The following METTL15 variants were observed in gnomAD, a reference collection of about 807,000 sequenced individuals.
The protein encoded by METTL15 is 12S rRNA N(4)-cytidine methyltransferase METTL15.
Under a neutral mutation model 38.3 loss-of-function variants are expected in METTL15, and 34 were observed. The observed-to-expected ratio is 0.89, with a 90% CI of 0.68 to 1.18. METTL15 has a LOEUF of 1.18. Among genes scored for constraint, METTL15 ranks in the 50% most tolerant of loss-of-function variants. The probability of loss-of-function intolerance (pLI) is 0.00; values close to 1 mark genes in which losing one functional copy is unlikely to be tolerated. For missense variants in METTL15, 438 were observed against 498.4 expected (o/e 0.88, Z 1.15); for synonymous variants, 162 against 170.9 (o/e 0.95, Z 0.41).
chr11:28,450,276 T>G (rs1375696115), intron 6 of METTL15, among the ~76,000 whole-genome samples: 1 of 152,230 alleles, frequency 6.6e-6, no homozygotes, highest in Non-Finnish European at 1.5e-5. Flanking sequence ...TTAACATTTT[T>G]GTTTCCATTT....
At chr11:28,497,963 AG>A (rs1283711870) in intron 6 of METTL15, among the ~76,000 whole-genome samples, 1 of 151,454 alleles carries the variant, frequency 6.6e-6, no homozygotes, top group African/African-American at 2.4e-5. Context: ...CTGAGGCATG[AG>A]AATCGCTTGA....
intron 5 of METTL15, among the ~76,000 whole-genome samples, chr11:28,387,887 G>A (rs1339979932): frequency 1.3e-5 from 2 of 152,054 alleles, no homozygotes; most frequent in African/African-American, 4.8e-5. Flanking sequence ...TGCAAATATG[G>A]TTCAGCAAAT....
intron 4 of METTL15, among the ~76,000 whole-genome samples, chr11:28,237,496 C>CCATTCTAGTTAT (rs1235684477): frequency 2.6e-5 from 4 of 152,140 alleles, no homozygotes; most frequent in Non-Finnish European, 5.9e-5. Context: ...TCTAGTTATA[C>CCATTCTAGTTAT]ATTCGTCTAA....
intron 4 of METTL15, among the ~76,000 whole-genome samples, chr11:28,213,354 T>G (rs907376155): frequency 2.0e-5 from 3 of 152,032 alleles, no homozygotes; most frequent in African/African-American, 7.2e-5. Context: ...GCAAAATCAC[T>G]TTTGAACCTG....
intron 6 of METTL15, among the ~76,000 whole-genome samples, chr11:28,454,287 G>A (rs982419144): frequency 4.6e-5 from 7 of 152,038 alleles, no homozygotes; most frequent in Non-Finnish European, 5.9e-5. Flanking sequence ...TGCCACCCTC[G>A]GGATCTTGGA....
At chr11:28,374,029 C>G (rs1423571215) in intron 5 of METTL15, among the ~76,000 whole-genome samples, 2 of 152,132 alleles carry the variant, frequency 1.3e-5, no homozygotes, top group Non-Finnish European at 2.9e-5. Flanking sequence ...ATCTGTATCT[C>G]TGTTTTGGTA....
chr11:28,145,206 G>A (rs1162105381), intron 3 of METTL15: 1 of 152,744 alleles, frequency 6.5e-6, no homozygotes, highest in East Asian at 1.9e-4. Flanking sequence ...ATCAGACCAT[G>A]GTTTTAGGAT....
At chr11:28,485,112 TACACACACACAC>T (rs33941898) in intron 6 of METTL15, among the ~76,000 whole-genome samples, 2 of 148,846 alleles carry the variant, frequency 1.3e-5, no homozygotes, top group South Asian at 2.1e-4. Context: ...AATGAAGTTT[TACACACACACAC>T]ACACACACAC....
intron 3 of METTL15, among the ~76,000 whole-genome samples, chr11:28,347,673 C>T (rs951333141): frequency 2.6e-5 from 4 of 152,186 alleles, no homozygotes; most frequent in Non-Finnish European, 5.9e-5. Context: ...AGCCCATCTC[C>T]CTGGCTGCAG....
downstream of METTL15, among the ~76,000 whole-genome samples, chr11:28,336,709 T>C (rs1416041666): frequency 6.6e-6 from 1 of 152,190 alleles, no homozygotes; most frequent in Non-Finnish European, 1.5e-5. Flanking sequence ...AACGTAATAG[T>C]CACATGTTTG....
At chr11:28,110,863 T>C (rs1851688340) in intron 2 of METTL15, among the ~76,000 whole-genome samples, 1 of 152,126 alleles carries the variant, frequency 6.6e-6, no homozygotes, top group Non-Finnish European at 1.5e-5. Context: ...ACTTTGCTTG[T>C]AGAGAAAAGT....
chr11:28,161,722 T>A (rs1280815084), intron 3 of METTL15, among the ~76,000 whole-genome samples: 1 of 149,884 alleles, frequency 6.7e-6, no homozygotes, highest in Non-Finnish European at 1.5e-5. Flanking sequence ...ATTTTGAAAC[T>A]TTACATCTTG....
chr11:28,284,694 C>T (rs1438200663), intron 4 of METTL15, among the ~76,000 whole-genome samples: 1 of 152,150 alleles, frequency 6.6e-6, no homozygotes, highest in East Asian at 1.9e-4. Flanking sequence ...CTAATTTCAT[C>T]TTGAGCTTGA....
chr11:28,238,962 T>G (rs977772235), intron 4 of METTL15, among the ~76,000 whole-genome samples: 1 of 151,842 alleles, frequency 6.6e-6, no homozygotes, highest in Non-Finnish European at 1.5e-5. Flanking sequence ...TTATTTGGAT[T>G]TTTTTTTTCC....
intron 6 of METTL15, among the ~76,000 whole-genome samples, chr11:28,456,049 C>T (rs775046506): frequency 1.3e-4 from 20 of 152,102 alleles, no homozygotes; most frequent in African/African-American, 2.4e-4. Context: ...TCCATCATGC[C>T]GGCTGGCATG....
chr11:28,501,464 A>G (rs1057204371), intron 6 of METTL15, among the ~76,000 whole-genome samples: 2 of 152,198 alleles, frequency 1.3e-5, no homozygotes, highest in Admixed American at 6.5e-5. Context: ...GACAGGATGC[A>G]GAGGTTACTT....
chr11:28,313,665 A>G (rs1023139311), intron 6 of METTL15, among the ~76,000 whole-genome samples: 1 of 151,880 alleles, frequency 6.6e-6, no homozygotes, highest in African/African-American at 2.4e-5. Flanking sequence ...GATTGGATGT[A>G]TATAGTTTTG....
chr11:28,341,698 C>G (rs541818463), intron 3 of METTL15, among the ~76,000 whole-genome samples: 1 of 151,982 alleles, frequency 6.6e-6, no homozygotes, highest in South Asian at 2.1e-4. Flanking sequence ...TTTTAGTTAC[C>G]GTTGTACTAG....
intron 6 of METTL15, among the ~76,000 whole-genome samples, chr11:28,308,540 T>G (rs1857158032): frequency 6.6e-6 from 1 of 152,146 alleles, no homozygotes; most frequent in African/African-American, 2.4e-5. Context: ...GGATTGTAAT[T>G]GTTTATGTAG....
Sources: gnomAD v4.1 joint callset for allele counts (sites outside exome capture counted in the v4.1 genomes callset) on GRCh38, gnomAD v4.1.1 for gene constraint, MANE v1.5 for transcripts, NCBI Gene and HGNC (gene_info 2026-07-23, HGNC 2026-07-21) for gene names.